The following TEX9 variants were observed in gnomAD, a reference collection of about 807,000 sequenced individuals.
The protein encoded by TEX9 is testis expressed 9.
TEX9 carries 74 observed loss-of-function variants against 59.6 expected under a neutral mutation model. That is an observed-to-expected ratio of 1.24 (90% CI 1.03 to 1.51). TEX9 has a LOEUF of 1.51. TEX9 is among the 40% of genes most tolerant of loss of function. The pLI is 0.00. For synonymous variants in TEX9, 186 were observed against 152.2 expected (o/e 1.22, Z -1.64); for missense variants, 522 against 447.8 (o/e 1.17, Z -1.49).
chr15:56,389,469 T>G, intron 6 of TEX9, 69 bp downstream of exon 6: 1 of 1,133,164 alleles, frequency 8.8e-7, no homozygotes, highest in Non-Finnish European at 1.3e-6. Flanking sequence ...CATTCTTAAT[T>G]ATTAAGCTCT....
chr15:56,248,452 C>T (rs1421331425), intron 1 of TEX9, among the ~76,000 whole-genome samples: 1 of 152,128 alleles, frequency 6.6e-6, no homozygotes, highest in Non-Finnish European at 1.5e-5. Context: ...CCTATCTGTA[C>T]AAGTCATTCT....
At chr15:56,419,673 T>G (rs1452299399) in intron 10 of TEX9, among the ~76,000 whole-genome samples, 5 of 151,936 alleles carry the variant, frequency 3.3e-5, no homozygotes, top group Non-Finnish European at 7.3e-5. Context: ...AGTGCTAGTC[T>G]GTTTAGTCTG....
At chr15:56,260,966 C>T (rs572247291) in intron 1 of TEX9, among the ~76,000 whole-genome samples, 38 of 151,544 alleles carry the variant, frequency 2.5e-4, no homozygotes, top group African/African-American at 8.2e-4. Flanking sequence ...GTTTAGATGA[C>T]GTGATTTTAT....
chr15:56,259,578 A>G (rs1276260478), intron 1 of TEX9, among the ~76,000 whole-genome samples: 1 of 152,050 alleles, frequency 6.6e-6, no homozygotes, highest in East Asian at 1.9e-4. Context: ...CTATTTCTAG[A>G]TGCTCCCTTT....
At chr15:56,256,568 G>A (rs1306332298) in intron 1 of TEX9, among the ~76,000 whole-genome samples, 4 of 151,778 alleles carry the variant, frequency 2.6e-5, no homozygotes, top group Non-Finnish European at 4.4e-5. Flanking sequence ...TGGGGGTTGG[G>A]GTGGGATAAA....
At chr15:56,281,708 A>G (rs1194210431) in intron 1 of TEX9, among the ~76,000 whole-genome samples, 1 of 152,196 alleles carries the variant, frequency 6.6e-6, no homozygotes, top group Non-Finnish European at 1.5e-5. Flanking sequence ...ATTTTGTAAT[A>G]TTTTTGCACC....
chr15:56,374,871 A>C (rs183190411), intron 3 of TEX9, among the ~76,000 whole-genome samples: 1 of 152,298 alleles, frequency 6.6e-6, no homozygotes, highest in East Asian at 1.9e-4. Flanking sequence ...GTTGCAAGTG[A>C]CAGGGCCTCA....
At chr15:56,251,712 TTGA>T (rs2044023526) in intron 1 of TEX9, among the ~76,000 whole-genome samples, 1 of 151,746 alleles carries the variant, frequency 6.6e-6, no homozygotes, top group South Asian at 2.1e-4. Flanking sequence ...TGGCTTAGTG[TTGA>T]TAGGAGCAGT....
chr15:56,250,010 A>C (rs949610090), intron 1 of TEX9, among the ~76,000 whole-genome samples: 2 of 152,132 alleles, frequency 1.3e-5, no homozygotes, highest in Non-Finnish European at 2.9e-5. Flanking sequence ...TAGGCTCAAC[A>C]TAAGTCTTTC....
At position 56,443,293 on chromosome 15, in the gene TEX9, C is replaced by T; in HGVS notation, c.*30-2378C>T. The T allele has an allele frequency of 5.4e-6, 3 of 553,374 alleles. No homozygotes were observed. The East Asian group carries it at 1.0e-4, about 19-fold the overall frequency. 34.3% of individuals were successfully genotyped at this position (553,374 alleles called of 1,614,324 possible). A position where few individuals can be genotyped will look rare whatever the true frequency, so the allele number is the denominator to read the frequency against. ...TTTTAGCCAGCTTGAAAATTTCTGT[C>T]TTTTAACTGTAGTATACCATTTACA... is the stretch of plus-strand genomic sequence containing the variant. On this transcript the variant is annotated intron_variant, in intron 12 of 12. Transcript: ENST00000352903.
chr15:56,436,459 G>C (rs2050726426), intron 12 of TEX9, among the ~76,000 whole-genome samples: 1 of 152,184 alleles, frequency 6.6e-6, no homozygotes, highest in South Asian at 2.1e-4. Context: ...TTAAAGCAGT[G>C]TGTAGAGGGA....
intron 7 of TEX9, chr15:56,393,651 A>G (rs943580224): frequency 6.6e-6 from 1 of 152,236 alleles, no homozygotes; most frequent in African/African-American, 2.4e-5. Flanking sequence ...CTGGCAGTAA[A>G]GTACCAAAGA....
At chr15:56,409,274 C>T (rs141561644) in intron 9 of TEX9, among the ~76,000 whole-genome samples, 45 of 152,188 alleles carry the variant, frequency 3.0e-4, no homozygotes, top group Non-Finnish European at 5.4e-4. Context: ...AAAGGCTTCC[C>T]GTGTCACTCA....
At chr15:56,279,376 C>G (rs2044760148) in intron 1 of TEX9, among the ~76,000 whole-genome samples, 1 of 152,128 alleles carries the variant, frequency 6.6e-6, no homozygotes, top group African/African-American at 2.4e-5. Context: ...TGTCTGGATA[C>G]TATAGTGAAT....
chr15:56,293,263 A>G (rs568427671), intron 1 of TEX9, among the ~76,000 whole-genome samples: 54 of 152,278 alleles, frequency 3.5e-4, no homozygotes, highest in African/African-American at 1.3e-3. Context: ...CTTGAACCCA[A>G]GAGTTTGCGG....
chr15:56,434,366 T>C (rs763632159), intron 12 of TEX9: 1 of 1,612,718 alleles, frequency 6.2e-7, no homozygotes, highest in South Asian at 1.1e-5. Flanking sequence ...TCATCTCTTT[T>C]TGCTTTCTCA....
intron 1 of TEX9, among the ~76,000 whole-genome samples, chr15:56,351,762 T>A (rs972010136): frequency 6.6e-6 from 1 of 152,258 alleles, no homozygotes; most frequent in Non-Finnish European, 1.5e-5. Flanking sequence ...GGCACAAAGA[T>A]TGGATTAATA....
chr15:56,291,891 C>T lies in TEX9; in HGVS notation c.-107+47613C>T, dbSNP rs556729386. 5.9e-5 allele frequency among the ~76,000 whole-genome samples: 9 copies of T among 152,224 alleles called. No homozygotes were observed. The South Asian group carries it at 1.9e-3, about 32-fold the overall frequency. On this transcript the variant is annotated intron_variant, in intron 1 of 5. Coordinates refer to the TEX9 transcript ENST00000560827. ...CTATAACAAAGGACCCACTTCGTGGCAAAGGAGATGAGGCAATTGGCACAT... is the reference window on the plus strand; with the variant it reads ...CTATAACAAAGGACCCACTTCGTGGTAAAGGAGATGAGGCAATTGGCACAT...
intron 1 of TEX9, among the ~76,000 whole-genome samples, chr15:56,315,467 T>G (rs1328169804): frequency 4.0e-5 from 6 of 150,028 alleles, no homozygotes; most frequent in Non-Finnish European, 8.9e-5. Flanking sequence ...TTAAGAATGT[T>G]GAATATTGGC....
Sources: gnomAD v4.1 joint callset for allele counts (sites outside exome capture counted in the v4.1 genomes callset) on GRCh38, gnomAD v4.1.1 for gene constraint, MANE v1.5 for transcripts, NCBI Gene and HGNC (gene_info 2026-07-23, HGNC 2026-07-21) for gene names.